ENPP1: variants seen among roughly 807,000 people sequenced by gnomAD.
ENPP1 encodes the protein ectonucleotide pyrophosphatase/phosphodiesterase 1.
ENPP1 carries 73 observed loss-of-function variants against 122.8 expected under a neutral mutation model. The observed-to-expected ratio is 0.59, with a 90% confidence interval of 0.49 to 0.72. The LOEUF is 0.72. Ranked by LOEUF, ENPP1 falls within the 30% of genes least tolerant of loss-of-function variation. ENPP1 has a pLI of 0.00. For missense variants in ENPP1, 978 were observed against 1,128.1 expected, an observed-to-expected ratio of 0.87 and a Z score of 1.91; for synonymous variants, 367 against 391.6, an observed-to-expected ratio of 0.94 and a Z score of 0.74.
chr6:131,831,046 G>A, intron 1 of ENPP1, among the ~76,000 whole-genome samples: 1 of 144,714 alleles, frequency 6.9e-6, no homozygotes, highest in South Asian at 2.3e-4. Flanking sequence ...CTGGGAGGTG[G>A]AGGTTGCAGT....
At chr6:131,829,821 C>G (rs1732175630) in intron 1 of ENPP1, among the ~76,000 whole-genome samples, 1 of 152,156 alleles carries the variant, frequency 6.6e-6, no homozygotes, top group African/African-American at 2.4e-5. Flanking sequence ...GGACCCTGGG[C>G]AGATGCAGCC....
chr6:131,876,051 G>C (rs1782227233), intron 17 of ENPP1, among the ~76,000 whole-genome samples, 188 bp downstream of exon 17: 1 of 152,134 alleles, frequency 6.6e-6, no homozygotes, highest in African/African-American at 2.4e-5. Flanking sequence ...TTATCTGTTT[G>C]TTCCACTAGG....
At chr6:131,852,688 T>C (rs1223504320) in intron 5 of ENPP1, among the ~76,000 whole-genome samples, 1 of 152,192 alleles carries the variant, frequency 6.6e-6, no homozygotes, top group East Asian at 1.9e-4. Flanking sequence ...GTCTTTGGTA[T>C]TGAAGAATGC....
chr6:131,859,827 A>G lies in ENPP1; in HGVS notation c.796-560A>G, dbSNP rs375771679. On this transcript the variant is annotated intron_variant, in intron 7 of 24. Transcript: ENST00000647893. ...CTTGCGAGACTACATTCTTTTAACA[A>G]TAGGCTAGATTTCTCAGTAGATAAC... Among the ~76,000 whole-genome samples the G allele has an allele frequency of 5.6e-4, 86 of 152,304 alleles. 1 individual carries two copies. The South Asian group carries it at 0.017, about 30-fold the overall frequency.
intron 13 of ENPP1, among the ~76,000 whole-genome samples, chr6:131,871,110 G>A (rs1782156949): frequency 6.6e-6 from 1 of 151,928 alleles, no homozygotes; most frequent in African/African-American, 2.4e-5. Flanking sequence ...GCAGTCTCCA[G>A]AGATGTTTGG....
intron 1 of ENPP1, among the ~76,000 whole-genome samples, chr6:131,820,860 G>A (rs1781477164): frequency 1.3e-5 from 2 of 152,182 alleles, no homozygotes; most frequent in Admixed American, 6.5e-5. Flanking sequence ...GTTACTAGCT[G>A]TTTGAATACA....
rs1585834782 is a variant in ENPP1 at position 131,874,290 on chromosome 6, T to G, written c.1588T>G (p.Cys530Gly). Residue 530 changes from cysteine to glycine, a missense_variant, in exon 16 of 25, where the codon TGT (cysteine) becomes GGT (glycine). Around this residue, in one of 3 missense-constraint regions of ENPP1, gnomAD observed 644 missense variants for 781.5 expected, o/e 0.82. Coordinates refer to ENST00000647893, the MANE Select transcript of ENPP1 (RefSeq NM_006208.3). ...TAGGAATCCCTCAGAAAGGAAATAT[T>G]GTGGAAGTGGATTTCATGGCTCTGA... ...LALNPSERKY[C>G]GSGFHGSDNV... 4 of 1,596,086 alleles carry G rather than the reference T, an allele frequency of 2.5e-6. No individual in the cohort carries two copies. Among genetic ancestry groups the G allele is most frequent in the Non-Finnish European group, 3.4e-6 (4 of 1,164,484 alleles).
chr6:131,837,230 TA>T (rs1254283762), intron 1 of ENPP1, among the ~76,000 whole-genome samples: 3 of 147,042 alleles, frequency 2.0e-5, no homozygotes, highest in Non-Finnish European at 4.5e-5. Context: ...ATAAATTACT[TA>T]AAAGTTTATA....
intron 1 of ENPP1, among the ~76,000 whole-genome samples, chr6:131,839,736 T>A (rs1488545084): frequency 6.6e-6 from 1 of 152,198 alleles, no homozygotes; most frequent in Non-Finnish European, 1.5e-5. Flanking sequence ...TTTTATCATC[T>A]GTTCTTTATA....
At chr6:131,888,193 G>A (rs1435247565) in intron 24 of ENPP1, among the ~76,000 whole-genome samples, 1 of 150,892 alleles carries the variant, frequency 6.6e-6, no homozygotes, top group Non-Finnish European at 1.5e-5. Context: ...TTCTCTTATG[G>A]TGAGCCAAAA....
chr6:131,860,628 C>A, intron 8 of ENPP1, 122 bp downstream of exon 8: 1 of 729,862 alleles, frequency 1.4e-6, no homozygotes, highest in South Asian at 1.7e-5. Context: ...TGTGGCCATT[C>A]TTTTGTAAAT....
chr6:131,817,618 C>A (rs140129495), intron 1 of ENPP1, among the ~76,000 whole-genome samples: 345 of 152,036 alleles, frequency 2.3e-3, no homozygotes, highest in Non-Finnish European at 3.6e-3. Context: ...GTGGCTCATG[C>A]CTCTAAAGGA....
chr6:131,885,850 A>G (rs908123157), intron 23 of ENPP1, among the ~76,000 whole-genome samples: 3 of 152,230 alleles, frequency 2.0e-5, no homozygotes, highest in African/African-American at 7.2e-5. Context: ...ACTGGAGAGG[A>G]TACAGAAGAG....
In ENPP1 at chr6:131,880,413, A is replaced by G. The variant is rs1206726886; in HGVS notation, c.2100+379A>G. Among the ~76,000 whole-genome samples the G allele has an allele frequency of 3.3e-5, 5 of 152,100 alleles. No individual in the cohort carries two copies. The East Asian group carries it at 7.8e-4, about 24-fold the overall frequency. The stretch of plus-strand genomic sequence containing the variant: ...TCCATCTCTACTAAAAATATAAAAA[A>G]ATTAGCCGGGCGTGGTGGCGGGCGC... On this transcript the variant is annotated intron_variant, in intron 20 of 24. Coordinates refer to ENST00000647893, the MANE Select transcript of ENPP1 (RefSeq NM_006208.3).
rs566810832 is a variant in ENPP1, at chr6:131,857,086, A to C, written c.716-1582A>C. 2.8e-4 allele frequency among the ~76,000 whole-genome samples: 42 copies of C among 152,234 alleles called. No homozygotes were observed. The East Asian group carries it at 7.9e-3, about 29-fold the overall frequency. ...ATCTGTAAATTACCTTGGGCAAATC[A>C]AAACCACTATGAGATACCATCTCAC... On this transcript the variant is annotated intron_variant, in intron 6 of 24. Transcript: ENST00000647893.
intron 9 of ENPP1, among the ~76,000 whole-genome samples, chr6:131,864,234 T>C (rs1431125139): frequency 6.6e-6 from 1 of 152,198 alleles, no homozygotes; most frequent in Non-Finnish European, 1.5e-5. Context: ...TCATGTGGTA[T>C]GCAGTTACTG....
Position 131,851,494 on chromosome 6 carries a change from A to G in ENPP1, c.556+227A>G, listed in dbSNP as rs1781880828. On this transcript the variant is annotated intron_variant, in intron 4 of 24. Transcript: ENST00000647893. ...ATCACCCAGCTTCATAATTATGATT[A>G]TGTGCACACGGCCAATAATATTTTA... The G allele has an allele frequency of 9.4e-6, 5 of 531,128 alleles. No homozygotes were observed. In the East Asian group the frequency reaches 1.4e-4, roughly 14 times the overall value. The allele number at this position is 531,128 out of a possible 1,614,324, so 32.9% of individuals were successfully genotyped here.
At chr6:131,864,185 T>A (rs1192252665) in intron 9 of ENPP1, among the ~76,000 whole-genome samples, 11 of 152,174 alleles carry the variant, frequency 7.2e-5, no homozygotes, top group Non-Finnish European at 1.3e-4. Flanking sequence ...GAGTGCTTCA[T>A]GATGTATGCT....
rs1781546523 is a variant in ENPP1, at chr6:131,826,396, A to G, written c.240+18121A>G. 6.3e-6 allele frequency: 6 copies of G among 958,610 alleles called. No individual in the cohort carries two copies. The Admixed American group carries it at 9.1e-5, about 15-fold the overall frequency. The allele number at this position is 958,610 out of a possible 1,614,324, so 59.4% of individuals were successfully genotyped here. A position where few individuals can be genotyped will look rare whatever the true frequency, so the allele number is the denominator to read the frequency against. On this transcript the variant is annotated intron_variant, in intron 1 of 24. Transcript: ENST00000647893. ...CTGCTAGGGCAGATTCTCAATATTA[A>G]TAGGACCCCAAAAGAGCTGCTCTAG...
Sources: allele counts gnomAD v4.1 joint callset (sites outside exome capture counted in the v4.1 genomes callset), GRCh38; gene constraint gnomAD v4.1.1; regional missense constraint gnomAD v4.1.1; transcripts MANE v1.5; gene names NCBI Gene and HGNC (gene_info 2026-07-23, HGNC 2026-07-21).